SGCZ: variants seen among roughly 807,000 people sequenced by gnomAD.
The protein encoded by SGCZ is sarcoglycan zeta.
Under a neutral mutation model 41.3 loss-of-function variants are expected in SGCZ, and 40 were observed. That is an observed-to-expected ratio of 0.97 (90% CI 0.75 to 1.26). The LOEUF (loss-of-function observed/expected upper bound fraction) is 1.26, where lower values mean the gene tolerates loss of function less well. Ranked by LOEUF, SGCZ falls within the 50% of genes most tolerant of loss-of-function variation. SGCZ has a pLI of 0.00. For synonymous variants in SGCZ, 206 were observed against 137.5 expected (o/e 1.50, Z -3.49); for missense variants, 552 against 369.8 (o/e 1.49, Z -4.04).
intron 3 of SGCZ, among the ~76,000 whole-genome samples, chr8:14,264,532 G>A (rs1433168619): frequency 6.6e-6 from 1 of 152,124 alleles, no homozygotes; most frequent in Non-Finnish European, 1.5e-5. Context: ...TGCTGAACAT[G>A]GGGCAACACA....
intron 3 of SGCZ, among the ~76,000 whole-genome samples, chr8:14,296,851 T>A (rs1163123997): frequency 6.6e-6 from 1 of 152,142 alleles, no homozygotes; most frequent in African/African-American, 2.4e-5. Context: ...CCCAAGCATA[T>A]CATTAATTAC....
intron 1 of SGCZ, among the ~76,000 whole-genome samples, chr8:14,882,023 T>C (rs1185511551): frequency 6.6e-6 from 1 of 152,174 alleles, no homozygotes; most frequent in Non-Finnish European, 1.5e-5. Flanking sequence ...TCATTGAAAC[T>C]ACTGAAAACA....
intron 4 of SGCZ, among the ~76,000 whole-genome samples, chr8:14,234,334 G>C (rs1411367501): frequency 1.3e-5 from 2 of 152,000 alleles, no homozygotes; most frequent in African/African-American, 4.8e-5. Flanking sequence ...AGTGGAATTA[G>C]TAGGAAGCTA....
chr8:14,530,436 T>C (rs1156706591), intron 2 of SGCZ, among the ~76,000 whole-genome samples: 3 of 152,112 alleles, frequency 2.0e-5, no homozygotes, highest in Admixed American at 6.6e-5. Flanking sequence ...TGATAATACT[T>C]TCATTAGATT....
At chr8:15,008,644 A>C (rs1802701147) in intron 1 of SGCZ, among the ~76,000 whole-genome samples, 1 of 95,982 alleles carries the variant, frequency 1.0e-5, no homozygotes, top group African/African-American at 4.4e-5. Context: ...GAAGGAGGGA[A>C]GGAAGGAGGG....
At chr8:14,379,618 A>T (rs1336864430) in intron 2 of SGCZ, among the ~76,000 whole-genome samples, 1 of 152,186 alleles carries the variant, frequency 6.6e-6, no homozygotes, top group East Asian at 1.9e-4. Context: ...CAGTCAACCG[A>T]TACTAAGTTT....
At chr8:15,160,816 A>G (rs1799488830) in intron 1 of SGCZ, among the ~76,000 whole-genome samples, 2 of 152,216 alleles carry the variant, frequency 1.3e-5, no homozygotes, top group South Asian at 4.1e-4. Context: ...CAAAAGGCAC[A>G]TGCCACCGTC....
At chr8:14,504,558 CT>C (rs1415535188) in intron 2 of SGCZ, among the ~76,000 whole-genome samples, 2 of 152,090 alleles carry the variant, frequency 1.3e-5, no homozygotes, top group Non-Finnish European at 2.9e-5. Context: ...GCATGCCTTT[CT>C]TTCTTCTGCG....
intron 1 of SGCZ, among the ~76,000 whole-genome samples, chr8:15,202,653 AAATAAT>A (rs200221180): frequency 6.6e-6 from 1 of 151,616 alleles, no homozygotes; most frequent in Non-Finnish European, 1.5e-5. Flanking sequence ...TATTAAAATA[AAATAAT>A]AATAATTTAA....
chr8:14,914,359 T>C (rs1799365160), intron 1 of SGCZ, among the ~76,000 whole-genome samples: 1 of 152,158 alleles, frequency 6.6e-6, no homozygotes, highest in Non-Finnish European at 1.5e-5. Flanking sequence ...CTCCTAATTC[T>C]TTCTCACAAT....
chr8:14,324,352 T>C (rs1802022700), intron 2 of SGCZ, 148 bp from the exon 3 acceptor site: 1 of 655,346 alleles, frequency 1.5e-6, no homozygotes, highest in African/African-American at 1.8e-5. Flanking sequence ...TTAATTAATG[T>C]TTGCAGCCCT....
Position 14,235,331 on chromosome 8 carries a change from T to C in SGCZ, c.424+2261A>G, listed in dbSNP as rs1163948501. 4.6e-5 allele frequency among the ~76,000 whole-genome samples: 7 copies of C among 152,218 alleles called. No homozygotes were observed. The East Asian group carries it at 1.2e-3, about 25-fold the overall frequency. On this transcript the variant is annotated intron_variant, in intron 4 of 7. Coordinates refer to ENST00000382080, the MANE Select transcript of SGCZ (RefSeq NM_139167.4). Reference sequence around the variant, plus strand: ...ACACTCAAAGGACCAGGATATTAAATAGTTTTTAAGTGTAAGCCTCAGTAG... The same window carrying C: ...ACACTCAAAGGACCAGGATATTAAACAGTTTTTAAGTGTAAGCCTCAGTAG...
intron 1 of SGCZ, among the ~76,000 whole-genome samples, chr8:15,126,980 G>A (rs955252036): frequency 7.2e-5 from 11 of 152,106 alleles, no homozygotes; most frequent in South Asian, 2.1e-4. Flanking sequence ...TCTCTTTGAC[G>A]TCCATGCACG....
At chr8:14,429,889 G>C (rs750277228) in intron 2 of SGCZ, among the ~76,000 whole-genome samples, 3 of 152,020 alleles carry the variant, frequency 2.0e-5, no homozygotes, top group African/African-American at 4.8e-5. Flanking sequence ...AAGCTAGGAA[G>C]TTTGCATCTT....
At chr8:14,958,169 T>G (rs2130846935) in intron 1 of SGCZ, among the ~76,000 whole-genome samples, 1 of 152,164 alleles carries the variant, frequency 6.6e-6, no homozygotes, top group East Asian at 1.9e-4. Flanking sequence ...CTTTTTTCTT[T>G]TTACAAACAA....
At chr8:14,551,473 T>TATTA (rs1491107563) in intron 2 of SGCZ, among the ~76,000 whole-genome samples, 3 of 11,534 alleles carry the variant, frequency 2.6e-4, no homozygotes, top group East Asian at 5.2e-3. Context: ...ATTATATATA[T>TATTA]TATATATTAT....
chr8:14,538,437 G>C (rs1563395258), intron 2 of SGCZ, among the ~76,000 whole-genome samples: 1 of 151,900 alleles, frequency 6.6e-6, no homozygotes, highest in African/African-American at 2.4e-5. Flanking sequence ...GAACATTCTA[G>C]ATGCCATGGG....
At chr8:14,971,205 G>C (rs567124466) in intron 1 of SGCZ, among the ~76,000 whole-genome samples, 2 of 151,996 alleles carry the variant, frequency 1.3e-5, no homozygotes, top group Non-Finnish European at 2.9e-5. Context: ...TTAGTTTCAT[G>C]TCTTCTTTTT....
intron 1 of SGCZ, among the ~76,000 whole-genome samples, chr8:14,736,722 C>T (rs1371578167): frequency 1.3e-5 from 2 of 152,016 alleles, no homozygotes; most frequent in Admixed American, 6.6e-5. Flanking sequence ...TGAGAATATA[C>T]GATGTTTGGT....
Sources: allele counts gnomAD v4.1 joint callset (sites outside exome capture counted in the v4.1 genomes callset), GRCh38; gene constraint gnomAD v4.1.1; transcripts MANE v1.5; gene names NCBI Gene and HGNC (gene_info 2026-07-23, HGNC 2026-07-21).